The following DLG2 variants were observed in gnomAD, a reference collection of about 807,000 sequenced individuals.
DLG2 encodes the protein discs large MAGUK scaffold protein 2.
Under a neutral mutation model 132.5 loss-of-function variants are expected in DLG2, and 45 were observed. The ratio of observed to expected loss-of-function variants is 0.34; its 90% CI spans 0.27 to 0.44. The LOEUF (loss-of-function observed/expected upper bound fraction) is 0.44, where lower values mean the gene tolerates loss of function less well. Among genes scored for constraint, DLG2 ranks in the 20% least tolerant of loss-of-function variants. DLG2 has a pLI of 1.00. For synonymous variants in DLG2, 424 were observed against 419.6 expected (o/e 1.01, Z -0.13); for missense variants, 1,045 against 1,196.9 (o/e 0.87, Z 1.87).
chr11:85,559,414 G>T (rs1384579039), intron 3 of DLG2, among the ~76,000 whole-genome samples: 6 of 151,448 alleles, frequency 4.0e-5, no homozygotes, highest in Non-Finnish European at 7.4e-5. Context: ...CTCCCAAAGT[G>T]CTGGAATTAT....
intron 6 of DLG2, among the ~76,000 whole-genome samples, chr11:84,785,368 C>T (rs1489859599): frequency 2.0e-5 from 3 of 152,026 alleles, no homozygotes; most frequent in African/African-American, 7.2e-5. Flanking sequence ...TAGATTTGAT[C>T]AAACTGAGGA....
At chr11:83,873,824 G>T (rs937260349) in intron 16 of DLG2, among the ~76,000 whole-genome samples, 1 of 152,162 alleles carries the variant, frequency 6.6e-6, no homozygotes, top group Non-Finnish European at 1.5e-5. Context: ...GAACCAACAT[G>T]ACCTGCTCCC....
rs151237295 is a variant in DLG2 at position 84,838,629 on chromosome 11, A to T, written c.357+273032T>A. On this transcript the variant is annotated intron_variant, in intron 6 of 27. Coordinates refer to ENST00000376104, the MANE Select transcript of DLG2 (RefSeq NM_001142699.3). ...CTGGCACAACTGCACAAGGAAATGT[A>T]TATAAGAATGTTCACTGCAGAATTG... Among the ~76,000 whole-genome samples, 783 of 152,054 alleles carry T rather than the reference A, an allele frequency of 5.1e-3. 19 individuals are homozygous for T. Among genetic ancestry groups the T allele is most frequent in the East Asian group, 0.015 (79 of 5,132 alleles).
At chr11:85,537,124 C>A (rs959713592) in intron 3 of DLG2, among the ~76,000 whole-genome samples, 4 of 152,160 alleles carry the variant, frequency 2.6e-5, no homozygotes, top group Non-Finnish European at 5.9e-5. Flanking sequence ...GTAAATGCAC[C>A]AATCAGAACT....
chr11:84,914,359 G>A (rs1322477851), intron 6 of DLG2, among the ~76,000 whole-genome samples: 1 of 152,136 alleles, frequency 6.6e-6, no homozygotes, highest in African/African-American at 2.4e-5. Context: ...TCAAGAGCTA[G>A]GTTCCCCAAG....
rs572707780 is a variant in DLG2, at chr11:84,390,717, G to A, written c.520-139426C>T. Among the ~76,000 whole-genome samples, 273 of 152,164 alleles carry A rather than the reference G, an allele frequency of 1.8e-3. 2 individuals carry two copies. Among genetic ancestry groups the A allele is most frequent in the African/African-American group, 6.4e-3 (264 of 41,524 alleles). On this transcript the variant is annotated intron_variant, in intron 7 of 27. Transcript: ENST00000376104. ...AGTTAAAGCTAAAATTCCACTGTGGGGAATTTATTTCATAAATACATTTGT... is the reference window on the plus strand; with the variant it reads ...AGTTAAAGCTAAAATTCCACTGTGGAGAATTTATTTCATAAATACATTTGT...
chr11:85,568,014 A>AT (rs35453793), intron 3 of DLG2, among the ~76,000 whole-genome samples: 11,639 of 135,928 alleles, frequency 0.086, 559 homozygotes, highest in Non-Finnish European at 0.1. Context: ...GTGCTACTAG[A>AT]TTTTTTTTTT....
intron 7 of DLG2, among the ~76,000 whole-genome samples, chr11:84,401,747 A>T (rs1211809595): frequency 6.6e-6 from 1 of 152,152 alleles, no homozygotes. Context: ...CAGCGATGTC[A>T]TCTTGGCTCA....
intron 14 of DLG2, among the ~76,000 whole-genome samples, chr11:83,954,975 T>C (rs1382880748): frequency 6.6e-6 from 1 of 152,190 alleles, no homozygotes; most frequent in Admixed American, 6.5e-5. Context: ...GATTACAACA[T>C]GTTTGAGCAG....
At chr11:84,317,032 C>G (rs1464586792) in intron 7 of DLG2, 3 of 1,612,840 alleles carry the variant, frequency 1.9e-6, no homozygotes, top group African/African-American at 2.7e-5. Context: ...GACAGTTCCT[C>G]TGCCAGCCAC....
intron 7 of DLG2, among the ~76,000 whole-genome samples, chr11:84,374,007 G>A (rs2098719378): frequency 2.0e-5 from 3 of 152,064 alleles, no homozygotes; most frequent in Non-Finnish European, 2.9e-5. Flanking sequence ...TTTGCTCTGC[G>A]TTGAGAGGTT....
chr11:85,477,752 C>T (rs1473646192), intron 3 of DLG2, among the ~76,000 whole-genome samples: 1 of 152,146 alleles, frequency 6.6e-6, no homozygotes, highest in Non-Finnish European at 1.5e-5. Context: ...AAAAGAGTAA[C>T]ATGGAAGATA....
chr11:84,650,681 T>C (rs2099680432), intron 6 of DLG2, among the ~76,000 whole-genome samples: 1 of 151,980 alleles, frequency 6.6e-6, no homozygotes, highest in Non-Finnish European at 1.5e-5. Flanking sequence ...TCTCATTAAA[T>C]TGCTATTCAT....
chr11:85,078,500 A>AG (rs2066839888), intron 6 of DLG2, among the ~76,000 whole-genome samples: 1 of 151,886 alleles, frequency 6.6e-6, no homozygotes, highest in Non-Finnish European at 1.5e-5. Flanking sequence ...GACATATAGA[A>AG]GGGGTACATC....
intron 6 of DLG2, among the ~76,000 whole-genome samples, chr11:84,782,049 C>G (rs992864155): frequency 1.3e-5 from 2 of 152,098 alleles, no homozygotes; most frequent in Admixed American, 1.3e-4. Flanking sequence ...ACAATCTTCA[C>G]TTGACAATAT....
intron 16 of DLG2, among the ~76,000 whole-genome samples, chr11:83,844,420 T>C (rs1333554298): frequency 6.6e-6 from 1 of 150,400 alleles, no homozygotes; most frequent in Non-Finnish European, 1.5e-5. Flanking sequence ...TGGTGGTGCA[T>C]GTCTGTAATC....
At chr11:84,266,524 A>T (rs901724332) in intron 7 of DLG2, among the ~76,000 whole-genome samples, 1 of 152,244 alleles carries the variant, frequency 6.6e-6, no homozygotes, top group Admixed American at 6.5e-5. Flanking sequence ...ATTACTAAAC[A>T]GAAATGCAAA....
chr11:83,718,772 G>T (rs913674196), intron 18 of DLG2, among the ~76,000 whole-genome samples: 2 of 152,080 alleles, frequency 1.3e-5, no homozygotes, highest in African/African-American at 4.8e-5. Flanking sequence ...TACTCTCTAA[G>T]AAGACAATAT....
chr11:85,571,933 A>T (rs1004041231), intron 3 of DLG2, among the ~76,000 whole-genome samples: 1 of 152,192 alleles, frequency 6.6e-6, no homozygotes, highest in Non-Finnish European at 1.5e-5. Flanking sequence ...GTTTTAATAG[A>T]TATACCCGTA....
Sources: gnomAD v4.1 joint callset for allele counts (sites outside exome capture counted in the v4.1 genomes callset) on GRCh38, gnomAD v4.1.1 for gene constraint, MANE v1.5 for transcripts, NCBI Gene and HGNC (gene_info 2026-07-23, HGNC 2026-07-21) for gene names.